The following ATXN10 variants were observed in gnomAD, a reference collection of about 807,000 sequenced individuals.
ATXN10 encodes the protein ataxin 10, also known as ataxin-10.
Under a neutral mutation model 52.9 loss-of-function variants are expected in ATXN10, and 28 were observed. The observed-to-expected ratio is 0.53, with a 90% CI of 0.39 to 0.73. ATXN10 has a LOEUF of 0.73. Ranked by LOEUF, ATXN10 falls within the 30% of genes least tolerant of loss-of-function variation. The pLI is 0.00. For missense variants in ATXN10, 565 were observed against 577.0 expected, an observed-to-expected ratio of 0.98 and a Z score of 0.21; for synonymous variants, 226 against 221.5, an observed-to-expected ratio of 1.02 and a Z score of -0.18.
rs866804161 is a variant in ATXN10 at position 45,795,380 on chromosome 22, A to G, written c.1174-11579A>G. 6.8e-6 allele frequency among the ~76,000 whole-genome samples: 1 copy of G among 147,798 alleles called. No individual in the cohort carries two copies. Among genetic ancestry groups the G allele is most frequent in the Non-Finnish European group, 1.5e-5 (1 of 67,230 alleles). ...ATTCTATTCTATTCTATTCTATTCT[A>G]TTCTATTCTATTCTATTCTATTCTA... On this transcript the variant is annotated intron_variant, in intron 9 of 11. Coordinates refer to ENST00000252934, the MANE Select transcript of ATXN10 (RefSeq NM_013236.4). The surrounding 1 kb of genome is among the most constrained non-coding windows in gnomAD (Gnocchi z 4.6).
intron 3 of ATXN10, among the ~76,000 whole-genome samples, chr22:45,694,137 T>TAACG (rs1474226607): frequency 2.0e-5 from 3 of 152,200 alleles, no homozygotes; most frequent in Admixed American, 6.5e-5. Flanking sequence ...CTCTGATTGT[T>TAACG]AACGGTTGTT....
At chr22:45,751,772 TAATAATA>T in intron 9 of ATXN10, among the ~76,000 whole-genome samples, 1 of 125,892 alleles carries the variant, frequency 7.9e-6, no homozygotes, top group East Asian at 2.0e-4. Flanking sequence ...AAAATAATAA[TAATAATA>T]ATAATAATAA....
intron 9 of ATXN10, among the ~76,000 whole-genome samples, chr22:45,797,822 A>G (rs1927797035): frequency 6.6e-6 from 1 of 152,190 alleles, no homozygotes; most frequent in South Asian, 2.1e-4. Context: ...CTGTCAAGAA[A>G]ATGACACAAA....
chr22:45,793,939 G>A (rs529655168), intron 9 of ATXN10, among the ~76,000 whole-genome samples: 1 of 152,346 alleles, frequency 6.6e-6, no homozygotes, highest in East Asian at 1.9e-4. Context: ...TGCCCTATAG[G>A]CAGTGTGCCC....
rs989289507 is a variant in ATXN10 at position 45,841,327 on chromosome 22, C to G, written c.1238-1664C>G. ...CACTGACAGTCCTTTTCTCTGCCAT[C>G]TGGAAAAGGTCAGTCATTTATACCC... On this transcript the variant is annotated intron_variant, in intron 10 of 11. Transcript: ENST00000252934. The surrounding 1 kb of genome is among the most constrained non-coding windows in gnomAD (Gnocchi z 5.1). 1.3e-5 allele frequency among the ~76,000 whole-genome samples: 2 copies of G among 152,370 alleles called. No homozygotes were observed. The highest frequency in any genetic ancestry group is 2.9e-5 in the Non-Finnish European group (2 of 68,030).
rs1949604640 is a variant in ATXN10 at position 45,696,241 on chromosome 22, C to G, written c.391+3163C>G. Among the ~76,000 whole-genome samples the G allele has an allele frequency of 6.6e-6, 1 of 152,060 alleles. No individual in the cohort carries two copies. Among genetic ancestry groups the G allele is most frequent in the African/African-American group, 2.4e-5 (1 of 41,384 alleles). The stretch of plus-strand genomic sequence containing the variant: ...TCAAAATTGGGGAATTATAAATTAG[C>G]AGTAAAGTCCGTGTTTCACAGTGTC... On this transcript the variant is annotated intron_variant, in intron 3 of 11. Transcript: ENST00000252934. The surrounding 1 kb of genome is among the most constrained non-coding windows in gnomAD (Gnocchi z 4.7).
chr22:45,740,762 A>ATG (rs1925500190), intron 9 of ATXN10: 2 of 271,062 alleles, frequency 7.4e-6, no homozygotes, highest in Admixed American at 9.7e-5. Context: ...GTGTATATAT[A>ATG]TATATGTATA....
At chr22:45,706,857 T>TG (rs142169842) in intron 5 of ATXN10, among the ~76,000 whole-genome samples, 1,947 of 152,310 alleles carry the variant, frequency 0.013, 34 homozygotes, top group African/African-American at 0.045. Context: ...TTTGGTGGCA[T>TG]GTTCTGTAGA....
At chr22:45,716,294 T>A (rs1190445878) in intron 5 of ATXN10, among the ~76,000 whole-genome samples, 1 of 151,014 alleles carries the variant, frequency 6.6e-6, no homozygotes, top group African/African-American at 2.4e-5. Flanking sequence ...AAAGCGGCGC[T>A]TAGAGGAGAG....
rs1356550844 is a variant in ATXN10, at chr22:45,728,604, CCT to C, written c.729-820_729-819del. On this transcript the variant is annotated intron_variant, in intron 6 of 11. Transcript: ENST00000252934. The surrounding 1 kb of genome is among the most constrained non-coding windows in gnomAD (Gnocchi z 4.3). ...TAATAAGCAGTTTAGATGTTCGTAC[CCT>C]GTCTTCTATAGAAATTAGAATTATA... Among the ~76,000 whole-genome samples the C allele has an allele frequency of 4.6e-5, 7 of 151,906 alleles. No homozygotes were observed. Among genetic ancestry groups the C allele is most frequent in the Non-Finnish European group, 7.4e-5 (5 of 67,986 alleles).
chr22:45,780,602 A>G lies in ATXN10; in HGVS notation c.1174-26357A>G, dbSNP rs73173394. ...GCCTCAGAGGCTCATAGGGAGGATT[A>G]GGTCAGATACTACATGTAACGTGAA... is the stretch of plus-strand genomic sequence containing the variant. On this transcript the variant is annotated intron_variant, in intron 9 of 11. Transcript: ENST00000252934. This position sits in a 1 kb window ranked among gnomAD's most constrained non-coding sequence, Gnocchi z 4.0. Among the ~76,000 whole-genome samples, 285 of 152,332 alleles carry G rather than the reference A, an allele frequency of 1.9e-3. No homozygotes were observed. Among genetic ancestry groups the G allele is most frequent in the Non-Finnish European group, 3.6e-3 (243 of 68,034 alleles).
chr22:45,821,834 C>T (rs370746251), intron 10 of ATXN10, among the ~76,000 whole-genome samples: 10 of 152,112 alleles, frequency 6.6e-5, no homozygotes, highest in African/African-American at 1.9e-4. Context: ...TGAAATGTAA[C>T]GTGCATACTG....
At chr22:45,773,175 T>G (rs2146843302) in intron 9 of ATXN10, among the ~76,000 whole-genome samples, 1 of 152,334 alleles carries the variant, frequency 6.6e-6, no homozygotes, top group South Asian at 2.1e-4. Flanking sequence ...TGGTTAACTT[T>G]TGCATTGACC....
At position 45,816,214 on chromosome 22, in the gene ATXN10, T is replaced by C. The variant is rs1414821126; in HGVS notation, c.1237+9192T>C. On this transcript the variant is annotated intron_variant, in intron 10 of 11. Transcript: ENST00000252934. The surrounding 1 kb of genome is among the most constrained non-coding windows in gnomAD (Gnocchi z 5.8). ...GTTGTAGTGAGCTGAGATTGTGTCA[T>C]TGGCACGCCAGCCTGGGTGTTGCAG... is the stretch of plus-strand genomic sequence containing the variant. 6.6e-6 allele frequency among the ~76,000 whole-genome samples: 1 copy of C among 152,166 alleles called. No homozygotes were observed. Among genetic ancestry groups the C allele is most frequent in the Non-Finnish European group, 1.5e-5 (1 of 68,024 alleles).
rs149285372 is a variant in ATXN10 at position 45,774,993 on chromosome 22, T to A, written c.1174-31966T>A. On this transcript the variant is annotated intron_variant, in intron 9 of 11. Coordinates refer to ENST00000252934, the MANE Select transcript of ATXN10 (RefSeq NM_013236.4). This position sits in a 1 kb window ranked among gnomAD's most constrained non-coding sequence, Gnocchi z 6.2. Reference sequence around the variant, plus strand: ...GGGGTCGGAGAAACACTAAAGTTTTTTGTTTGTTTGTTTTGCCTTTTCCCC... The same window carrying A: ...GGGGTCGGAGAAACACTAAAGTTTTATGTTTGTTTGTTTTGCCTTTTCCCC... Among the ~76,000 whole-genome samples the A allele has an allele frequency of 1.8e-4, 27 of 152,286 alleles. 1 individual carries two copies. In the East Asian group the frequency reaches 5.2e-3, roughly 29 times the overall value.
Position 45,689,841 on chromosome 22 carries a change from A to C in ATXN10, c.246A>C (p.Thr82=), listed in dbSNP as rs757126074. ...TGGCTTCCAGTCTGCAGTTAATAAC[A>C]GAATGCTTCAGGTGTCTTCGCAATG... ...ENLASSLQLI[T]ECFRCLRNAC... is the part of the protein sequence containing the mutation. The change falls in exon 2 of 12, where the codon ACA becomes ACC. Residue 82 remains threonine (T), a synonymous_variant. Transcript: ENST00000252934. The C allele has an allele frequency of 1.2e-6, 2 of 1,614,240 alleles. No individual in the cohort carries two copies. Among genetic ancestry groups the C allele is most frequent in the South Asian group, 2.2e-5 (2 of 91,086 alleles).
Position 45,843,796 on chromosome 22 carries a change from T to C in ATXN10, c.*125T>C, listed in dbSNP as rs1929426394. 1.1e-6 allele frequency: 1 copy of C among 921,464 alleles called. No homozygotes were observed. Among genetic ancestry groups the C allele is most frequent in the Admixed American group, 2.1e-5 (1 of 48,228 alleles). 57.1% of individuals were successfully genotyped at this position (921,464 alleles called of 1,614,324 possible). A position where few individuals can be genotyped will look rare whatever the true frequency, so the allele number is the denominator to read the frequency against. ...CAAATTTGGGAACATACAAATCTTT[T>C]AGGTAGTAGAGTTTAACGTGTATAA... On this transcript the variant is annotated 3_prime_UTR_variant, in exon 12 of 12. Transcript: ENST00000252934. This position sits in a 1 kb window ranked among gnomAD's most constrained non-coding sequence, Gnocchi z 4.5.
At position 45,824,376 on chromosome 22, in the gene ATXN10, T is replaced by C. The variant is rs1928751394; in HGVS notation, c.1237+17354T>C. On this transcript the variant is annotated intron_variant, in intron 10 of 11. Transcript: ENST00000252934. This position sits in a 1 kb window ranked among gnomAD's most constrained non-coding sequence, Gnocchi z 5.2. ...CCCTTTTTATTGTTTCACCTTATCC[T>C]GTAATTTAACATTGTAGCTTTTATA... 6.6e-6 allele frequency among the ~76,000 whole-genome samples: 1 copy of C among 152,240 alleles called. No individual in the cohort carries two copies. The highest frequency in any genetic ancestry group is 1.5e-5 in the Non-Finnish European group (1 of 68,038).
rs1924273650 is a variant in ATXN10, at chr22:45,712,146, G to A, written c.648-6267G>A. Among the ~76,000 whole-genome samples, 1 of 152,182 alleles carries A rather than the reference G, an allele frequency of 6.6e-6. No homozygotes were observed. The highest frequency in any genetic ancestry group is 1.9e-4 in the East Asian group (1 of 5,196). Reference sequence around the variant, plus strand: ...ACATTGTCATCCCTGGGGCAGTGCTGTTTGTTAGGGTGTGCAGTCAGGTGA... The same window carrying A: ...ACATTGTCATCCCTGGGGCAGTGCTATTTGTTAGGGTGTGCAGTCAGGTGA... On this transcript the variant is annotated intron_variant, in intron 5 of 11. Transcript: ENST00000252934. This position sits in a 1 kb window ranked among gnomAD's most constrained non-coding sequence, Gnocchi z 4.6.
Sources: allele counts gnomAD v4.1 joint callset (sites outside exome capture counted in the v4.1 genomes callset), GRCh38; gene constraint gnomAD v4.1.1; non-coding constraint Gnocchi (gnomAD v3.1); transcripts MANE v1.5; gene names NCBI Gene and HGNC (gene_info 2026-07-23, HGNC 2026-07-21).